CNTLN: variants seen among roughly 807,000 people sequenced by gnomAD.
CNTLN encodes the protein centlein, centrosomal protein.
Under a neutral mutation model 180.0 loss-of-function variants are expected in CNTLN, and 212 were observed. The ratio of observed to expected loss-of-function variants is 1.18; its 90% CI spans 1.05 to 1.32. CNTLN has a LOEUF of 1.32. Among genes scored for constraint, CNTLN ranks in the 40% most tolerant of loss-of-function variants. The pLI, the probability that CNTLN is intolerant of heterozygous loss-of-function variation, is 0.00. For synonymous variants in CNTLN, 722 were observed against 563.1 expected, an observed-to-expected ratio of 1.28 and a Z score of -3.99; for missense variants, 2,095 against 1,610.9, an observed-to-expected ratio of 1.30 and a Z score of -5.14.
At chr9:17,377,609 A>G (rs765509002) in intron 13 of CNTLN, among the ~76,000 whole-genome samples, 2 of 152,186 alleles carry the variant, frequency 1.3e-5, no homozygotes, top group Non-Finnish European at 2.9e-5. Context: ...AGAAGGAATG[A>G]AAGTAGCCAT....
intron 23 of CNTLN, among the ~76,000 whole-genome samples, chr9:17,467,220 C>T (rs1371564570): frequency 1.3e-5 from 2 of 151,582 alleles, no homozygotes; most frequent in East Asian, 1.9e-4. Context: ...ATCGTTCAAG[C>T]AGGAACAACC....
the CNTLN span, among the ~76,000 whole-genome samples, chr9:17,518,015 G>GT: frequency 3.0e-5 from 3 of 99,680 alleles, no homozygotes; most frequent in East Asian, 5.9e-4. Flanking sequence ...CCTCCATAAA[G>GT]TTTTTTTTCT....
chr9:17,276,964 T>C (rs1828351857), intron 6 of CNTLN, among the ~76,000 whole-genome samples: 1 of 152,056 alleles, frequency 6.6e-6, no homozygotes, highest in East Asian at 1.9e-4. Flanking sequence ...ATGATGTACA[T>C]GTCTGTAATC....
In CNTLN at chr9:17,399,403, A is replaced by G. The variant is rs181304171; in HGVS notation, c.2615+4334A>G. 2.0e-5 allele frequency among the ~76,000 whole-genome samples: 3 copies of G among 152,260 alleles called. No individual in the cohort carries two copies. In the East Asian group the frequency reaches 5.8e-4, roughly 29 times the overall value. ...TGCCTGGTCACATTTCTCAAACACAACATAAACTTCCATGATTCTATGTAT... is the reference window on the plus strand; with the variant it reads ...TGCCTGGTCACATTTCTCAAACACAGCATAAACTTCCATGATTCTATGTAT... On this transcript the variant is annotated intron_variant, in intron 15 of 25. Transcript: ENST00000380647.
chr9:17,213,410 G>T (rs972918862), intron 2 of CNTLN, among the ~76,000 whole-genome samples: 2 of 152,162 alleles, frequency 1.3e-5, no homozygotes, highest in African/African-American at 2.4e-5. Context: ...ATTGCACTGT[G>T]GTCTGAGAGA....
In CNTLN at chr9:17,347,188, C is replaced by T. The variant is rs564256000; in HGVS notation, c.1886+4744C>T. Reference sequence around the variant, plus strand: ...GTTTAAAGTTCTTGTCAAGTAATTCCGACATGTGTTATATCATGGTGGTGG... The same window carrying T: ...GTTTAAAGTTCTTGTCAAGTAATTCTGACATGTGTTATATCATGGTGGTGG... On this transcript the variant is annotated intron_variant, in intron 12 of 25. Coordinates refer to ENST00000380647, the MANE Select transcript of CNTLN (RefSeq NM_017738.4). 3.8e-4 allele frequency among the ~76,000 whole-genome samples: 58 copies of T among 152,180 alleles called. 1 individual carries two copies. Among genetic ancestry groups the T allele is most frequent in the African/African-American group, 9.9e-4 (41 of 41,538 alleles).
intron 2 of CNTLN, among the ~76,000 whole-genome samples, chr9:17,169,895 C>G (rs777140476): frequency 1.3e-5 from 2 of 151,972 alleles, no homozygotes; most frequent in Non-Finnish European, 2.9e-5. Flanking sequence ...TTTTGCAGTT[C>G]CATATGAATT....
chr9:17,308,396 A>G (rs1439213909), intron 7 of CNTLN, among the ~76,000 whole-genome samples: 1 of 152,066 alleles, frequency 6.6e-6, no homozygotes, highest in Admixed American at 6.6e-5. Flanking sequence ...AAGAGCCTTT[A>G]CATTCTTTCT....
rs543546078 is a variant in CNTLN at position 17,189,533 on chromosome 9, G to T, written c.450-36670G>T. 2.6e-5 allele frequency among the ~76,000 whole-genome samples: 4 copies of T among 151,436 alleles called. No homozygotes were observed. The East Asian group carries it at 5.9e-4, about 22-fold the overall frequency. On this transcript the variant is annotated intron_variant, in intron 2 of 25. Transcript: ENST00000380647. ...GATTCTCACTCTGTCACCCAGGCTG[G>T]AGTGCAGTGGCGTGATCTTGGCTCA...
At chr9:17,331,649 G>A (rs10963039) in intron 9 of CNTLN, among the ~76,000 whole-genome samples, 34,430 of 151,734 alleles carry the variant, frequency 0.23, 4,192 homozygotes, top group South Asian at 0.37. Context: ...AATAAAGGAA[G>A]TATTTAAAAT....
intron 15 of CNTLN, among the ~76,000 whole-genome samples, chr9:17,401,444 G>GCTCAT (rs1349275930): frequency 6.6e-6 from 1 of 151,938 alleles, no homozygotes; most frequent in Non-Finnish European, 1.5e-5. Flanking sequence ...CACAATCATG[G>GCTCAT]CTCACTGCAT....
chr9:17,526,978 A>G, the CNTLN span, among the ~76,000 whole-genome samples: 1 of 152,070 alleles, frequency 6.6e-6, no homozygotes, highest in Admixed American at 6.5e-5. Context: ...CCTGGGTCCA[A>G]GTGATTCTCC....
At chr9:17,282,661 G>A (rs35968717) in intron 6 of CNTLN, among the ~76,000 whole-genome samples, 44,436 of 151,766 alleles carry the variant, frequency 0.29, 6,553 homozygotes, top group South Asian at 0.41. Context: ...ATCTTTGCCC[G>A]GGCCTATATC....
chr9:17,474,794 G>T (rs1201601131), intron 23 of CNTLN, among the ~76,000 whole-genome samples: 1 of 151,826 alleles, frequency 6.6e-6, no homozygotes, highest in Non-Finnish European at 1.5e-5. Context: ...CTTGAACCTG[G>T]GAGGCGGAGG....
At chr9:17,138,855 G>A (rs1466061812) in intron 1 of CNTLN, among the ~76,000 whole-genome samples, 3 of 152,082 alleles carry the variant, frequency 2.0e-5, no homozygotes, top group Non-Finnish European at 4.4e-5. Context: ...ATGGCAATTT[G>A]GGGTGTCTGT....
At chr9:17,303,416 C>G (rs1563977361) in intron 7 of CNTLN, among the ~76,000 whole-genome samples, 1 of 152,092 alleles carries the variant, frequency 6.6e-6, no homozygotes, top group South Asian at 2.1e-4. Context: ...TAGCAGTTAC[C>G]TTTCTCTGTG....
chr9:17,317,654 G>A (rs1819619958), intron 8 of CNTLN, among the ~76,000 whole-genome samples: 1 of 152,102 alleles, frequency 6.6e-6, no homozygotes, highest in African/African-American at 2.4e-5. Flanking sequence ...TTTTGTGTAT[G>A]GTGGCAGAAG....
intron 16 of CNTLN, among the ~76,000 whole-genome samples, chr9:17,410,264 T>C (rs1827738086): frequency 1.3e-5 from 2 of 152,172 alleles, no homozygotes; most frequent in South Asian, 4.1e-4. Flanking sequence ...TGTTGAGGTA[T>C]ATCATTGTGA....
intron 13 of CNTLN, among the ~76,000 whole-genome samples, chr9:17,384,410 T>G (rs1011370579): frequency 3.9e-5 from 6 of 152,172 alleles, no homozygotes; most frequent in African/African-American, 1.2e-4. Context: ...AATGGGCTAA[T>G]TGTCTTTGAA....
Sources: allele counts gnomAD v4.1 joint callset (sites outside exome capture counted in the v4.1 genomes callset), GRCh38; gene constraint gnomAD v4.1.1; transcripts MANE v1.5; gene names NCBI Gene and HGNC (gene_info 2026-07-23, HGNC 2026-07-21).